Variants in JAZF1 observed in about 807,000 individuals in gnomAD.
JAZF1 encodes the protein juxtaposed with another zinc finger protein 1.
JAZF1 carries 8 observed loss-of-function variants against 26.4 expected under a neutral mutation model. The ratio of observed to expected loss-of-function variants is 0.30; its 90% CI spans 0.18 to 0.55. The LOEUF (loss-of-function observed/expected upper bound fraction) is 0.55, where lower values mean the gene tolerates loss of function less well. JAZF1 is among the 20% of genes least tolerant of loss of function. JAZF1 has a pLI of 0.94. For missense variants in JAZF1, 199 were observed against 322.0 expected (o/e 0.62, Z 2.92); for synonymous variants, 126 against 122.3 (o/e 1.03, Z -0.20).
chr7:28,059,711 T>C (rs1783768733), intron 1 of JAZF1, among the ~76,000 whole-genome samples: 1 of 152,200 alleles, frequency 6.6e-6, no homozygotes, highest in Non-Finnish European at 1.5e-5. Flanking sequence ...GCTTTATTTA[T>C]CCTCATTTTT....
At chr7:28,025,609 C>T (rs1043584049) in intron 1 of JAZF1, among the ~76,000 whole-genome samples, 5 of 152,206 alleles carry the variant, frequency 3.3e-5, no homozygotes, top group Admixed American at 6.5e-5. Flanking sequence ...TGGCAGTTAA[C>T]GTGTTTGCTA....
At chr7:27,886,523 A>G (rs1256585449) in intron 3 of JAZF1, among the ~76,000 whole-genome samples, 2 of 152,212 alleles carry the variant, frequency 1.3e-5, no homozygotes, top group Non-Finnish European at 2.9e-5. Context: ...TTGCCTTGCA[A>G]TTATCTATGA....
chr7:28,079,534 C>G (rs530845320), intron 1 of JAZF1, among the ~76,000 whole-genome samples: 1 of 152,112 alleles, frequency 6.6e-6, no homozygotes, highest in Non-Finnish European at 1.5e-5. Flanking sequence ...TATGAGAAAT[C>G]ATAAAACTGA....
intron 2 of JAZF1, among the ~76,000 whole-genome samples, chr7:27,931,464 G>A (rs1353088276): frequency 6.6e-6 from 1 of 152,250 alleles, no homozygotes; most frequent in Non-Finnish European, 1.5e-5. Flanking sequence ...AACTCTGCAT[G>A]TGGGAATTTG....
At chr7:28,176,462 C>A (rs1411801015) in intron 1 of JAZF1, among the ~76,000 whole-genome samples, 1 of 152,206 alleles carries the variant, frequency 6.6e-6, no homozygotes, top group East Asian at 1.9e-4. Context: ...AAGGCCCACC[C>A]TGACCAATCT....
chr7:27,929,144 A>G (rs889816523), intron 2 of JAZF1, among the ~76,000 whole-genome samples: 2 of 152,202 alleles, frequency 1.3e-5, no homozygotes, highest in African/African-American at 4.8e-5. Flanking sequence ...TAATAAATAA[A>G]GCAGTCTTCT....
intron 1 of JAZF1, among the ~76,000 whole-genome samples, chr7:28,108,622 A>C (rs1424034478): frequency 2.0e-5 from 3 of 152,232 alleles, no homozygotes; most frequent in Non-Finnish European, 4.4e-5. Flanking sequence ...TGGTATAGCC[A>C]CTATGGAAAA....
chr7:27,847,453 G>A (rs958900587), intron 3 of JAZF1, among the ~76,000 whole-genome samples: 1 of 152,086 alleles, frequency 6.6e-6, no homozygotes, highest in Non-Finnish European at 1.5e-5. Context: ...GAGTTGATTT[G>A]TGTGTATGGT....
intron 2 of JAZF1, among the ~76,000 whole-genome samples, chr7:27,984,177 C>G (rs987075587): frequency 1.3e-5 from 2 of 152,146 alleles, no homozygotes; most frequent in African/African-American, 2.4e-5. Flanking sequence ...AAAGTCAAGA[C>G]CCATCAGTGT....
intron 2 of JAZF1, among the ~76,000 whole-genome samples, chr7:27,904,565 A>T (rs1009236779): frequency 6.6e-6 from 1 of 152,210 alleles, no homozygotes; most frequent in East Asian, 1.9e-4. Context: ...TAATGCTTTA[A>T]ATAATCCTAT....
intron 2 of JAZF1, among the ~76,000 whole-genome samples, chr7:27,917,113 C>G (rs1274349208): frequency 6.6e-6 from 1 of 152,200 alleles, no homozygotes; most frequent in Admixed American, 6.5e-5. Context: ...ACTACAGGCT[C>G]TTACTATGCA....
intron 2 of JAZF1, among the ~76,000 whole-genome samples, chr7:27,916,724 C>T (rs751759190): frequency 1.1e-4 from 16 of 152,262 alleles, no homozygotes; most frequent in Non-Finnish European, 1.8e-4. Flanking sequence ...GCACTAAATA[C>T]AGTGTGAAAA....
At chr7:28,155,385 T>C (rs1783166782) in intron 1 of JAZF1, among the ~76,000 whole-genome samples, 1 of 152,226 alleles carries the variant, frequency 6.6e-6, no homozygotes, top group Admixed American at 6.5e-5. Flanking sequence ...GTTTAACTCA[T>C]TCTACAGGGC....
chr7:28,074,163 T>C (rs938325056), intron 1 of JAZF1, among the ~76,000 whole-genome samples: 2 of 152,196 alleles, frequency 1.3e-5, no homozygotes, highest in Admixed American at 6.5e-5. Context: ...ACATTATTTG[T>C]CCTAAGTAAT....
Position 28,041,978 on chromosome 7 carries a change from T to C in JAZF1, c.116-49997A>G, listed in dbSNP as rs369315413. On this transcript the variant is annotated intron_variant, in intron 1 of 4. Transcript: ENST00000283928. The stretch of plus-strand genomic sequence containing the variant: ...CTATGAAGTGCTGCCCTCAAACACA[T>C]TCTCTGTACAGTCACAGATGGTGGG... Among the ~76,000 whole-genome samples, 210 of 152,298 alleles carry C rather than the reference T, an allele frequency of 1.4e-3. No individual in the cohort carries two copies. In the Middle Eastern group the frequency reaches 0.02, roughly 15 times the overall value.
intron 1 of JAZF1, among the ~76,000 whole-genome samples, chr7:28,002,420 T>C (rs772683570): frequency 2.6e-5 from 4 of 152,194 alleles, no homozygotes; most frequent in Non-Finnish European, 5.9e-5. Flanking sequence ...CGACCTCTTA[T>C]TGGCACATTT....
At chr7:28,095,240 C>A (rs1011437988) in intron 1 of JAZF1, among the ~76,000 whole-genome samples, 4 of 152,160 alleles carry the variant, frequency 2.6e-5, no homozygotes, top group African/African-American at 9.7e-5. Flanking sequence ...CTGTATTAGT[C>A]CATTTTTATA....
intron 2 of JAZF1, among the ~76,000 whole-genome samples, chr7:27,923,307 A>G (rs1229254049): frequency 6.6e-6 from 1 of 152,208 alleles, no homozygotes. Context: ...GAAAACCCGA[A>G]ATTAAAACGT....
At chr7:27,875,846 T>C (rs1783669858) in intron 3 of JAZF1, among the ~76,000 whole-genome samples, 1 of 152,362 alleles carries the variant, frequency 6.6e-6, no homozygotes, top group South Asian at 2.1e-4. Context: ...TAGTTATACC[T>C]GGAAAACTAG....
Sources: allele counts gnomAD v4.1 joint callset (sites outside exome capture counted in the v4.1 genomes callset), GRCh38; gene constraint gnomAD v4.1.1; transcripts MANE v1.5; gene names NCBI Gene and HGNC (gene_info 2026-07-23, HGNC 2026-07-21).